Variants in NR1D2 observed in about 807,000 individuals in gnomAD.
The protein encoded by NR1D2 is nuclear receptor subfamily 1 group D member 2.
In NR1D2, 25 loss-of-function variants were observed where a neutral mutation model predicts 52.2. The observed-to-expected ratio is 0.48, with a 90% CI of 0.35 to 0.67. The LOEUF (loss-of-function observed/expected upper bound fraction) is 0.67, where lower values mean the gene tolerates loss of function less well. Among genes scored for constraint, NR1D2 ranks in the 30% least tolerant of loss-of-function variants. NR1D2 has a pLI of 0.01. For synonymous variants in NR1D2, 259 were observed against 230.1 expected (o/e 1.13, Z -1.14); for missense variants, 681 against 707.2 (o/e 0.96, Z 0.42).
chr3:23,965,130 C>T lies in NR1D2; in HGVS notation c.1300C>T (p.Gln434Ter). 6.2e-7 allele frequency: 1 copy of T among 1,612,010 alleles called. No homozygotes were observed. Among genetic ancestry groups the T allele is most frequent in the Non-Finnish European group, 8.5e-7 (1 of 1,179,456 alleles). Reference sequence around the variant, plus strand: ...GTTCAGAGATCTCTCTCAGCATGACCAGGTCAACCTTTTAAAGGCTGGGAC... The same window carrying T: ...GTTCAGAGATCTCTCTCAGCATGACTAGGTCAACCTTTTAAAGGCTGGGAC... Reference protein sequence around the residue: ...PGFRDLSQHDQVNLLKAGTFE... With the variant: ...PGFRDLSQHD The change falls in exon 6 of 8, where the codon CAG becomes TAG. Residue 434 changes from glutamine (Q) to a stop codon, truncating the protein, a stop_gained. Transcript: ENST00000312521. LOFTEE classifies it high-confidence loss of function.
intron 1 of NR1D2, among the ~76,000 whole-genome samples, chr3:23,946,830 C>G (rs931381693): frequency 6.6e-6 from 1 of 152,214 alleles, no homozygotes; most frequent in East Asian, 1.9e-4. Context: ...GTGCCCTTCC[C>G]TCCTTTTGTC....
At chr3:23,966,525 T>C (rs1706455142) in intron 6 of NR1D2, among the ~76,000 whole-genome samples, 1 of 152,258 alleles carries the variant, frequency 6.6e-6, no homozygotes, top group Non-Finnish European at 1.5e-5. Flanking sequence ...AGAGGCCATG[T>C]GTTATACTTG....
intron 1 of NR1D2, 80 bp from the exon 2 acceptor site, chr3:23,954,457 G>A (rs1706029961): frequency 1.7e-6 from 2 of 1,188,490 alleles, no homozygotes; most frequent in South Asian, 1.4e-5. Context: ...AAAGTTAATG[G>A]CTTTACTGTT....
chr3:23,952,765 G>A (rs1040053859), intron 1 of NR1D2, among the ~76,000 whole-genome samples: 5 of 151,506 alleles, frequency 3.3e-5, no homozygotes, highest in African/African-American at 1.2e-4. Flanking sequence ...AAAACATTGT[G>A]TGTTTCTTGG....
intron 7 of NR1D2, among the ~76,000 whole-genome samples, chr3:23,972,623 G>A (rs1419199684): frequency 6.6e-6 from 1 of 152,188 alleles, no homozygotes; most frequent in Non-Finnish European, 1.5e-5. Context: ...TGTAGGAAGT[G>A]AAAATAAATA....
rs1050076951 is a variant in NR1D2, at chr3:23,978,393, CAGT to C, written c.*977_*979del. 5.9e-5 allele frequency: 9 copies of C among 151,780 alleles called. No homozygotes were observed. The highest frequency in any genetic ancestry group is 5.9e-4 in the Admixed American group (9 of 15,250). 9.4% of individuals were successfully genotyped at this position (151,780 alleles called of 1,614,324 possible). ...TAACCATTGCTTTAAAATGTTTAGA[CAGT>C]AGAATATTGAATTTATGCTCTATTT... On this transcript the variant is annotated 3_prime_UTR_variant, in exon 8 of 8. Coordinates refer to ENST00000312521, the MANE Select transcript of NR1D2 (RefSeq NM_005126.5).
intron 4 of NR1D2, among the ~76,000 whole-genome samples, chr3:23,960,752 C>T (rs1706215276): frequency 6.6e-6 from 1 of 152,128 alleles, no homozygotes; most frequent in Non-Finnish European, 1.5e-5. Context: ...ATTGTGATTG[C>T]CCTGAAAGAA....
At chr3:23,955,448 C>G (rs1249702829) in intron 2 of NR1D2, among the ~76,000 whole-genome samples, 1 of 152,022 alleles carries the variant, frequency 6.6e-6, no homozygotes, top group Non-Finnish European at 1.5e-5. Flanking sequence ...AATAAATTTA[C>G]AAAATTTCAG....
chr3:23,969,016 G>T (rs886499383), intron 7 of NR1D2, among the ~76,000 whole-genome samples: 1 of 152,128 alleles, frequency 6.6e-6, no homozygotes, highest in Non-Finnish European at 1.5e-5. Flanking sequence ...AGGCGCCAGG[G>T]GTGCACGCCT....
rs1281301611 is a variant in NR1D2, at chr3:23,945,469, C to G, written c.-110C>G. ...CGCCCGCTCTGCCCATGAGGGGGCCCCGCGACCACCGCTGCTTCCAGCCCG... is the reference window on the plus strand; with the variant it reads ...CGCCCGCTCTGCCCATGAGGGGGCCGCGCGACCACCGCTGCTTCCAGCCCG... On this transcript the variant is annotated 5_prime_UTR_variant, in exon 1 of 8. Coordinates refer to ENST00000312521, the MANE Select transcript of NR1D2 (RefSeq NM_005126.5). The G allele has an allele frequency of 3.3e-6, 2 of 609,592 alleles. No individual in the cohort carries two copies. Among genetic ancestry groups the G allele is most frequent in the Non-Finnish European group, 2.1e-6 (1 of 470,108 alleles). The allele number at this position is 609,592 out of a possible 1,614,324, so 37.8% of individuals were successfully genotyped here. A position where few individuals can be genotyped will look rare whatever the true frequency, so the allele number is the denominator to read the frequency against.
chr3:23,976,019 G>C (rs747860837), intron 7 of NR1D2, among the ~76,000 whole-genome samples: 15 of 152,170 alleles, frequency 9.9e-5, no homozygotes, highest in Admixed American at 2.6e-4. Flanking sequence ...CCATGTGGGG[G>C]ACCATTGAAT....
intron 7 of NR1D2, among the ~76,000 whole-genome samples, chr3:23,975,684 G>T (rs1255034444): frequency 6.6e-6 from 1 of 152,000 alleles, no homozygotes; most frequent in East Asian, 1.9e-4. Flanking sequence ...CTTGAACTCG[G>T]GAGGCAGAGG....
intron 1 of NR1D2, among the ~76,000 whole-genome samples, chr3:23,951,925 G>T (rs1055985161): frequency 1.3e-5 from 2 of 152,126 alleles, no homozygotes; most frequent in Non-Finnish European, 2.9e-5. Context: ...TTGTAGTTTT[G>T]GAGTTTTTAG....
intron 5 of NR1D2, chr3:23,963,197 C>T: frequency 1.8e-6 from 2 of 1,119,302 alleles, no homozygotes; most frequent in East Asian, 4.9e-5. Flanking sequence ...TCTATTTTTC[C>T]ATCAAATACG....
chr3:23,966,254 T>C (rs1297169890), intron 6 of NR1D2, among the ~76,000 whole-genome samples: 3 of 152,254 alleles, frequency 2.0e-5, no homozygotes, highest in Non-Finnish European at 4.4e-5. Flanking sequence ...ATATTTTCAC[T>C]TCTCCCTGGA....
chr3:23,964,551 C>G (rs143529970), intron 5 of NR1D2, among the ~76,000 whole-genome samples: 1 of 152,288 alleles, frequency 6.6e-6, no homozygotes, highest in Non-Finnish European at 1.5e-5. Context: ...CACTAAACCT[C>G]TCAGAGTCTC....
chr3:23,976,337 A>G (rs1706721772), intron 7 of NR1D2, among the ~76,000 whole-genome samples: 1 of 152,112 alleles, frequency 6.6e-6, no homozygotes, highest in Admixed American at 6.5e-5. Context: ...ACAGTTTTTG[A>G]GGGTTAAGAT....
chr3:23,954,835 C>T (rs202032439), intron 2 of NR1D2, 32 bp downstream of exon 2: 55 of 1,600,354 alleles, frequency 3.4e-5, no homozygotes, highest in Non-Finnish European at 2.0e-5. Flanking sequence ...AAGATTGCTG[C>T]CATTAATTGC....
In NR1D2 at chr3:23,945,445, G is replaced by A. The variant is rs1322638121; in HGVS notation, c.-134G>A. On this transcript the variant is annotated 5_prime_UTR_variant, in exon 1 of 8. Coordinates refer to ENST00000312521, the MANE Select transcript of NR1D2 (RefSeq NM_005126.5). ...GCACGGCCTGGGGCCCGGGAGCCCCGCCCGCTCTGCCCATGAGGGGGCCCC... is the reference window on the plus strand; with the variant it reads ...GCACGGCCTGGGGCCCGGGAGCCCCACCCGCTCTGCCCATGAGGGGGCCCC... The A allele has an allele frequency of 1.2e-5, 4 of 342,956 alleles. No individual in the cohort carries two copies. The highest frequency in any genetic ancestry group is 1.7e-5 in the Non-Finnish European group (4 of 233,266). The allele number at this position is 342,956 out of a possible 1,614,324, so 21.2% of individuals were successfully genotyped here.
Sources: allele counts gnomAD v4.1 joint callset (sites outside exome capture counted in the v4.1 genomes callset), GRCh38; gene constraint gnomAD v4.1.1; transcripts MANE v1.5; gene names NCBI Gene and HGNC (gene_info 2026-07-23, HGNC 2026-07-21).